Variants in CSGALNACT1 observed in about 807,000 individuals in gnomAD.
CSGALNACT1 encodes chondroitin sulfate N-acetylgalactosaminyltransferase 1, also known as beta4GalNAcT-1.
CSGALNACT1 carries 52 observed loss-of-function variants against 51.0 expected under a neutral mutation model. The ratio of observed to expected loss-of-function variants is 1.02; its 90% CI spans 0.82 to 1.29. The LOEUF (loss-of-function observed/expected upper bound fraction) is 1.29. CSGALNACT1 is among the 50% of genes most tolerant of loss of function. The pLI is 0.00. For synonymous variants in CSGALNACT1, 341 were observed against 254.4 expected, an observed-to-expected ratio of 1.34 and a Z score of -3.24; for missense variants, 935 against 679.2, an observed-to-expected ratio of 1.38 and a Z score of -4.19.
chr8:19,634,913 T>C (rs566724690), intron 1 of CSGALNACT1, among the ~76,000 whole-genome samples: 7 of 152,314 alleles, frequency 4.6e-5, no homozygotes, highest in African/African-American at 1.4e-4. Context: ...GAGAACACAA[T>C]GTAATATAAT....
At chr8:19,406,814 T>G (rs1419647156) in intron 9 of CSGALNACT1, among the ~76,000 whole-genome samples, 1 of 152,050 alleles carries the variant, frequency 6.6e-6, no homozygotes, top group Non-Finnish European at 1.5e-5. Flanking sequence ...GTTCAAGTGA[T>G]TCTCCTGCCT....
At chr8:19,753,186 T>C (rs1344904617) in intron 1 of CSGALNACT1, among the ~76,000 whole-genome samples, 1 of 152,216 alleles carries the variant, frequency 6.6e-6, no homozygotes, top group East Asian at 1.9e-4. Flanking sequence ...CATTAGTCTG[T>C]GCAAATGGGA....
chr8:19,659,470 T>C (rs1163453586), intron 1 of CSGALNACT1, among the ~76,000 whole-genome samples: 3 of 152,112 alleles, frequency 2.0e-5, no homozygotes, highest in Non-Finnish European at 4.4e-5. Flanking sequence ...ACAAACTGTG[T>C]GTGTTTCCGA....
At chr8:19,478,133 G>C (rs1295091105) in intron 4 of CSGALNACT1, among the ~76,000 whole-genome samples, 1 of 120,848 alleles carries the variant, frequency 8.3e-6, no homozygotes, top group Non-Finnish European at 1.9e-5. Context: ...CTCATGTCTG[G>C]GCCGGGTGCG....
chr8:19,496,276 G>A (rs1488407476), intron 4 of CSGALNACT1, among the ~76,000 whole-genome samples: 1 of 152,204 alleles, frequency 6.6e-6, no homozygotes, highest in Non-Finnish European at 1.5e-5. Context: ...ATAGAACACA[G>A]ATCAGATCAC....
intron 8 of CSGALNACT1, among the ~76,000 whole-genome samples, chr8:19,417,106 C>T (rs573717858): frequency 8.5e-5 from 13 of 152,216 alleles, no homozygotes; most frequent in African/African-American, 2.2e-4. Flanking sequence ...CTGCCCATCT[C>T]GGCCTCCCAA....
intron 6 of CSGALNACT1, among the ~76,000 whole-genome samples, chr8:19,434,769 T>C (rs899974282): frequency 2.0e-5 from 3 of 151,870 alleles, no homozygotes; most frequent in Non-Finnish European, 2.9e-5. Context: ...ATTATCTGCT[T>C]GGGAGGGATC....
intron 3 of CSGALNACT1, among the ~76,000 whole-genome samples, chr8:19,513,415 A>ACTCTCTCTCTCTCT (rs1409555325): frequency 1.3e-4 from 15 of 111,514 alleles, no homozygotes; most frequent in African/African-American, 5.2e-4. Flanking sequence ...TCTCTCTCTC[A>ACTCTCTCTCTCTCT]CTCTCTCTCT....
intron 1 of CSGALNACT1, among the ~76,000 whole-genome samples, chr8:19,640,787 A>G (rs924934457): frequency 1.3e-5 from 2 of 152,186 alleles, no homozygotes; most frequent in African/African-American, 4.8e-5. Flanking sequence ...ATTCTTAAAC[A>G]ATTCTACACT....
chr8:19,607,541 T>C (rs981319091), intron 1 of CSGALNACT1, among the ~76,000 whole-genome samples: 1 of 152,158 alleles, frequency 6.6e-6, no homozygotes, highest in Non-Finnish European at 1.5e-5. Flanking sequence ...AATTGTTCAT[T>C]TTATTAGACA....
At chr8:19,465,470 T>G (rs911036770) in intron 4 of CSGALNACT1, among the ~76,000 whole-genome samples, 1 of 152,126 alleles carries the variant, frequency 6.6e-6, no homozygotes, top group Non-Finnish European at 1.5e-5. Flanking sequence ...CACTGAACTG[T>G]CCACTAAAAA....
Position 19,553,620 on chromosome 8 carries a change from CATAT to C in CSGALNACT1, c.-297+37536_-297+37539del, listed in dbSNP as rs769189103. ...AAAAATACATTTATGTATATAAATA[CATAT>C]ATATATATATATATAAAAAAATATG... On this transcript the variant is annotated intron_variant, in intron 3 of 9. Coordinates refer to ENST00000454498, the Ensembl canonical transcript of CSGALNACT1. Among the ~76,000 whole-genome samples the C allele has an allele frequency of 4.2e-5, 3 of 71,576 alleles. 1 individual carries two copies. Among genetic ancestry groups the C allele is most frequent in the African/African-American group, 2.8e-4 (3 of 10,864 alleles). The allele number at this position is 71,576 out of a possible 152,430, so 47.0% of individuals were successfully genotyped here.
chr8:19,520,070 G>C (rs941072348), intron 3 of CSGALNACT1, among the ~76,000 whole-genome samples: 1 of 152,218 alleles, frequency 6.6e-6, no homozygotes, highest in Admixed American at 6.5e-5. Flanking sequence ...GTTACTTTTA[G>C]TTAAGACAAA....
At chr8:19,549,702 C>T (rs1344659219) in intron 3 of CSGALNACT1, among the ~76,000 whole-genome samples, 1 of 137,554 alleles carries the variant, frequency 7.3e-6, no homozygotes, top group Admixed American at 7.9e-5. Flanking sequence ...TCACCTTCTC[C>T]AGAAACTTCC....
chr8:19,420,629 C>G (rs922899333), intron 6 of CSGALNACT1, 111 bp from the exon 6 acceptor site: 4 of 1,131,852 alleles, frequency 3.5e-6, no homozygotes, highest in East Asian at 2.3e-5. Context: ...CTTTTGTAAC[C>G]TGAGGGCACT....
chr8:19,417,009 C>A (rs752557910), intron 8 of CSGALNACT1, among the ~76,000 whole-genome samples: 2 of 152,060 alleles, frequency 1.3e-5, no homozygotes, highest in Non-Finnish European at 2.9e-5. Flanking sequence ...GTGTGTGCCA[C>A]TATGCACGCC....
Position 19,470,679 on chromosome 8 carries a change from T to G in CSGALNACT1, c.635-12037A>C, listed in dbSNP as rs563689595. On this transcript the variant is annotated intron_variant, in intron 4 of 9. Transcript: ENST00000454498. The stretch of plus-strand genomic sequence containing the variant: ...TTCGGCAATCATCTCATTGCCTCTC[T>G]AAAAATGAAAATTTGGCAGTGCCAC... Among the ~76,000 whole-genome samples the G allele has an allele frequency of 1.5e-4, 23 of 152,206 alleles. No individual in the cohort carries two copies. In the South Asian group the frequency reaches 2.7e-3, roughly 18 times the overall value.
At chr8:19,425,202 C>T (rs1563327677) in intron 6 of CSGALNACT1, among the ~76,000 whole-genome samples, 1 of 152,004 alleles carries the variant, frequency 6.6e-6, no homozygotes, top group Non-Finnish European at 1.5e-5. Context: ...ATTAGCCAGG[C>T]GTGGTGGTGG....
chr8:19,614,159 C>A (rs145354636), intron 1 of CSGALNACT1, among the ~76,000 whole-genome samples: 160 of 152,230 alleles, frequency 1.1e-3, no homozygotes, highest in African/African-American at 3.6e-3. Context: ...GTGTATTGAT[C>A]ACCTATTATA....
Sources: gnomAD v4.1 joint callset for allele counts (sites outside exome capture counted in the v4.1 genomes callset) on GRCh38, gnomAD v4.1.1 for gene constraint, MANE v1.5 for transcripts, NCBI Gene and HGNC (gene_info 2026-07-23, HGNC 2026-07-21) for gene names.